Variants in HMGB4 observed in about 807,000 individuals in gnomAD.
HMGB4 encodes high mobility group protein B4.
For synonymous variants in HMGB4, 82 were observed against 84.9 expected, an observed-to-expected ratio of 0.97 and a Z score of 0.19; for missense variants, 217 against 220.4, an observed-to-expected ratio of 0.98 and a Z score of 0.10.
upstream of HMGB4, chr1:33,862,343 C>CTATGTGTG (rs542219181): frequency 8.8e-6 from 1 of 114,006 alleles, no homozygotes; most frequent in Non-Finnish European, 1.8e-5. Flanking sequence ...ATAAGCTACT[C>CTATGTGTG]TGTGTGTGTG....
At position 33,864,727 on chromosome 1, in the gene HMGB4, G is replaced by A; in HGVS notation, c.536G>A (p.Arg179Lys). 1 of 1,611,594 alleles carries A rather than the reference G, an allele frequency of 6.2e-7. No individual in the cohort carries two copies. The highest frequency in any genetic ancestry group is 8.5e-7 in the Non-Finnish European group (1 of 1,179,114). The change falls in exon 1 of 1, where the codon AGA (arginine) becomes AAA (lysine). Residue 179 changes from arginine to lysine, a missense_variant. Physicochemically the swap from Arg to Lys is conservative, Grantham distance 26 (BLOSUM62 2). Transcript: ENST00000681531. ...CGAATGTCAGCTAGAAACCGGTGCA[G>A]AGGGAAAAGAGTCAGGCAGAGCTGA... ...KYRMSARNRC[R>K]GKRVRQS is the part of the protein sequence containing the mutation.
At chr1:33,860,775 A>T (rs1223608525), upstream of HMGB4, 2 of 152,214 alleles carry the variant, frequency 1.3e-5, no homozygotes, top group African/African-American at 4.8e-5. Context: ...ACTTCATGTT[A>T]CTGCCACCAA....
chr1:33,863,522 A>T (rs1050642742), upstream of HMGB4: 2 of 152,244 alleles, frequency 1.3e-5, no homozygotes, highest in African/African-American at 4.8e-5. Context: ...CCAAGTGCTC[A>T]GGTTTTAAAT....
chr1:33,864,758 CCAGT>C lies in HMGB4; in HGVS notation c.*7_*10del. 6.3e-7 allele frequency: 1 copy of C among 1,588,922 alleles called. No individual in the cohort carries two copies. The highest frequency in any genetic ancestry group is 1.2e-5 in the South Asian group (1 of 86,924). On this transcript the variant is annotated 3_prime_UTR_variant, in exon 1 of 1. Transcript: ENST00000681531. ...AAAGAGTCAGGCAGAGCTGATGGATCCAGTTTGAAAAAACAAAATGCCATTCAAC... is the reference window on the plus strand; with the variant it reads ...AAAGAGTCAGGCAGAGCTGATGGATCTTGAAAAAACAAAATGCCATTCAAC...
upstream of HMGB4, among the ~76,000 whole-genome samples, chr1:33,861,533 G>A (rs758140441): frequency 5.9e-5 from 9 of 152,186 alleles, no homozygotes; most frequent in Non-Finnish European, 1.3e-4. Flanking sequence ...TACTGTCCTT[G>A]CAGGCATGCT....
upstream of HMGB4, chr1:33,862,477 G>A (rs963998594): frequency 6.6e-6 from 1 of 151,316 alleles, no homozygotes; most frequent in Non-Finnish European, 1.5e-5. Flanking sequence ...TCTCAGAAAG[G>A]AGCTGTGTCC....
upstream of HMGB4, chr1:33,863,988 G>C (rs1183154751): frequency 1.8e-6 from 1 of 560,620 alleles, no homozygotes; most frequent in African/African-American, 1.9e-5. Context: ...GGCTGGGATT[G>C]GCTGGCTTGT....
At chr1:33,862,117 T>G (rs180945975), upstream of HMGB4, 27 of 152,260 alleles carry the variant, frequency 1.8e-4, no homozygotes, top group African/African-American at 6.5e-4. Flanking sequence ...CAGCATTGAT[T>G]TAGGAAGCCA....
rs1474430505 is a variant in HMGB4, at chr1:33,864,617, T to C, written c.426T>C (p.Tyr142=). 10 of 1,613,896 alleles carry C rather than the reference T, an allele frequency of 6.2e-6. No homozygotes were observed. The highest frequency in any genetic ancestry group is 8.5e-6 in the Non-Finnish European group (10 of 1,180,030). ...CGACAGACCTGGAGAAGCACCCTTA[T>C]GAGCAAAGAGTGGCTCTCCTGAGAG... ...STATDLEKHP[Y]EQRVALLRAK... The change falls in exon 1 of 1, where the codon TAT becomes TAC. Residue 142 remains tyrosine, a synonymous_variant. Coordinates refer to ENST00000681531, the MANE Select transcript of HMGB4 (RefSeq NM_001379301.1).
upstream of HMGB4, among the ~76,000 whole-genome samples, chr1:33,861,890 G>T (rs1639543685): frequency 6.6e-6 from 1 of 152,138 alleles, no homozygotes; most frequent in Non-Finnish European, 1.5e-5. Flanking sequence ...AAGTGACCCT[G>T]GGGTGGGGAT....
In HMGB4 at chr1:33,864,112, C is replaced by G. The variant is rs1570316456; in HGVS notation, c.-80C>G. On this transcript the variant is annotated 5_prime_UTR_variant, in exon 1 of 1. Transcript: ENST00000681531. Reference sequence around the variant, plus strand: ...AAATTCGCTGCAAGTACAGCACTTTCTAGATTGCTCCTGGAGTGTGGGAAC... The same window carrying G: ...AAATTCGCTGCAAGTACAGCACTTTGTAGATTGCTCCTGGAGTGTGGGAAC... 2 of 1,385,682 alleles carry G rather than the reference C, an allele frequency of 1.4e-6. No homozygotes were observed. Among genetic ancestry groups the G allele is most frequent in the Non-Finnish European group, 9.8e-7 (1 of 1,018,164 alleles). 85.8% of individuals were successfully genotyped at this position (1,385,682 alleles called of 1,614,324 possible). A position where few individuals can be genotyped will look rare whatever the true frequency, so the allele number is the denominator to read the frequency against.
upstream of HMGB4, chr1:33,862,934 G>A (rs1238046080): frequency 6.6e-6 from 1 of 152,174 alleles, no homozygotes; most frequent in Non-Finnish European, 1.5e-5. Context: ...TCTAGTCTTA[G>A]GCAAGTTTCC....
chr1:33,863,665 T>A (rs1393526157), upstream of HMGB4: 1 of 153,710 alleles, frequency 6.5e-6, no homozygotes, highest in Non-Finnish European at 1.4e-5. Context: ...CATTTTATCA[T>A]GACAGCCCTG....
upstream of HMGB4, chr1:33,862,731 A>C (rs1639636633): frequency 6.6e-6 from 1 of 152,222 alleles, no homozygotes; most frequent in South Asian, 2.1e-4. Context: ...GCCAGTCCAG[A>C]ATGCTCAATT....
In HMGB4 at chr1:33,864,702, C is replaced by T. The variant is rs571098519; in HGVS notation, c.511C>T (p.Arg171Ter). The T allele has an allele frequency of 1.9e-5, 30 of 1,613,146 alleles. No homozygotes were observed. Among genetic ancestry groups the T allele is most frequent in the African/African-American group, 6.7e-5 (5 of 74,914 alleles). ...ACAATGTAATGCCAGGAAGAAGTAC[C>T]GAATGTCAGCTAGAAACCGGTGCAG... is the stretch of plus-strand genomic sequence containing the variant. ...RKQCNARKKY[R>*]MSARNRCRGK... Residue 171 changes from arginine (R) to a stop codon, truncating the protein, a stop_gained, in exon 1 of 1, where the codon CGA becomes TGA. Transcript: ENST00000681531. LOFTEE classifies it low-confidence loss of function (END_TRUNC).
Position 33,864,093 on chromosome 1 carries a change from G to C in HMGB4, c.-99G>C. On this transcript the variant is annotated 5_prime_UTR_variant, in exon 1 of 1. Transcript: ENST00000681531. ...ACAGCTCTTGCAGACAGAAAAATTC[G>C]CTGCAAGTACAGCACTTTCTAGATT... 8.5e-7 allele frequency: 1 copy of C among 1,179,822 alleles called. No individual in the cohort carries two copies. The highest frequency in any genetic ancestry group is 1.2e-6 in the Non-Finnish European group (1 of 833,116). 73.1% of individuals were successfully genotyped at this position (1,179,822 alleles called of 1,614,324 possible).
chr1:33,864,619 A>T lies in HMGB4; in HGVS notation c.428A>T (p.Glu143Val), dbSNP rs753314015. 6.8e-6 allele frequency: 11 copies of T among 1,613,894 alleles called. No homozygotes were observed. In the East Asian group the frequency reaches 2.2e-4, roughly 33 times the overall value. ...TATDLEKHPY[E>V]QRVALLRAKY... ...ACAGACCTGGAGAAGCACCCTTATGAGCAAAGAGTGGCTCTCCTGAGAGCT... is the reference window on the plus strand; with the variant it reads ...ACAGACCTGGAGAAGCACCCTTATGTGCAAAGAGTGGCTCTCCTGAGAGCT... Residue 143 changes from glutamate to valine, a missense_variant, in exon 1 of 1, where the codon GAG becomes GTG. By Grantham distance (121) the Glu-to-Val change is moderately radical. Coordinates refer to ENST00000681531, the MANE Select transcript of HMGB4 (RefSeq NM_001379301.1).
upstream of HMGB4, chr1:33,862,391 G>GTGTGTGTGTGTA (rs1639600377): frequency 6.8e-6 from 1 of 148,024 alleles, no homozygotes; most frequent in Non-Finnish European, 1.5e-5. Context: ...GTGTGTGTGT[G>GTGTGTGTGTGTA]TGTGTCTGAG....
rs1639783109 is a variant in HMGB4, at chr1:33,864,245, C to CT, written c.59dup (p.Leu20PhefsTer20). On this transcript the variant is annotated frameshift_variant, in exon 1 of 1. Transcript: ENST00000681531. LOFTEE classifies it low-confidence loss of function (END_TRUNC). ...AGGCAAATGTCTCTTCTTACGTTCA[C>CT]TTTTTGCTGAATTACAGAAACAAAT... 1 of 1,613,178 alleles carries CT rather than the reference C, an allele frequency of 6.2e-7. No homozygotes were observed. The highest frequency in any genetic ancestry group is 2.2e-5 in the East Asian group (1 of 44,880).
Sources: allele counts gnomAD v4.1 joint callset (sites outside exome capture counted in the v4.1 genomes callset), GRCh38; gene constraint gnomAD v4.1.1; transcripts MANE v1.5; gene names NCBI Gene and HGNC (gene_info 2026-07-23, HGNC 2026-07-21).